The following LCORL variants were observed in gnomAD, a reference collection of about 807,000 sequenced individuals.
LCORL encodes the protein ligand-dependent nuclear receptor corepressor-like protein.
Under a neutral mutation model 141.8 loss-of-function variants are expected in LCORL, and 41 were observed. The observed-to-expected ratio is 0.29, with a 90% CI of 0.23 to 0.38. The LOEUF is 0.38. Ranked by LOEUF, LCORL falls within the 10% of genes least tolerant of loss-of-function variation. The pLI is 1.00. For synonymous variants in LCORL, 618 were observed against 694.1 expected, an observed-to-expected ratio of 0.89 and a Z score of 1.72; for missense variants, 1,759 against 2,035.0, an observed-to-expected ratio of 0.86 and a Z score of 2.61.
chr4:17,999,709 T>C (rs990114364), intron 1 of LCORL, among the ~76,000 whole-genome samples: 1 of 152,122 alleles, frequency 6.6e-6, no homozygotes, highest in African/African-American at 2.4e-5. Flanking sequence ...TCAGCGACAA[T>C]TTGGTAAGAA....
chr4:17,900,818 G>A (rs911485964), intron 5 of LCORL, among the ~76,000 whole-genome samples: 2 of 152,100 alleles, frequency 1.3e-5, no homozygotes, highest in Admixed American at 6.6e-5. Context: ...ATGTCTAAAT[G>A]GATTTTGACA....
rs115135520 is a variant in LCORL at position 17,855,204 on chromosome 4, C to T, written c.5603-9303G>A. 6.5e-3 allele frequency among the ~76,000 whole-genome samples: 993 copies of T among 152,216 alleles called. 16 individuals are homozygous for T. The highest frequency in any genetic ancestry group is 0.023 in the African/African-American group (955 of 41,534). On this transcript the variant is annotated intron_variant, in intron 7 of 7. Transcript: ENST00000635767. ...TAATGAACACTGCACTGTTATGCAA[C>T]TTAGAAATGACCCTTGGCCATGTAA...
chr4:18,012,997 T>C (rs765178488), intron 1 of LCORL, among the ~76,000 whole-genome samples: 3 of 152,212 alleles, frequency 2.0e-5, no homozygotes, highest in Non-Finnish European at 4.4e-5. Flanking sequence ...CTTGCACATA[T>C]CTTAATTACT....
chr4:17,998,445 A>T (rs960545244), intron 1 of LCORL, among the ~76,000 whole-genome samples: 1 of 152,058 alleles, frequency 6.6e-6, no homozygotes, highest in Non-Finnish European at 1.5e-5. Flanking sequence ...ACTTTTTTTT[A>T]AAACTTTTTA....
At chr4:17,962,308 T>C (rs1713977885) in intron 3 of LCORL, among the ~76,000 whole-genome samples, 1 of 151,780 alleles carries the variant, frequency 6.6e-6, no homozygotes, top group Non-Finnish European at 1.5e-5. Flanking sequence ...TTCACTATAT[T>C]GGCATGCCAG....
intron 5 of LCORL, among the ~76,000 whole-genome samples, chr4:17,905,795 T>G (rs1394364039): frequency 6.6e-6 from 1 of 151,940 alleles, no homozygotes; most frequent in Non-Finnish European, 1.5e-5. Context: ...TGCTAAAAAA[T>G]TACAGAGTGA....
chr4:17,896,008 A>G (rs1729867417), intron 5 of LCORL, among the ~76,000 whole-genome samples: 1 of 152,184 alleles, frequency 6.6e-6, no homozygotes, highest in Non-Finnish European at 1.5e-5. Flanking sequence ...AACATTTGTG[A>G]ACAAGTTTTT....
chr4:17,876,302 T>C, exon 7 of LCORL: 1 of 1,230,998 alleles, frequency 8.1e-7, no homozygotes, highest in Non-Finnish European at 1.0e-6. Context: ...CTACCACAGA[T>C]TTTGATAAGC....
chr4:17,906,326 G>C (rs1407995271), intron 5 of LCORL, among the ~76,000 whole-genome samples: 1 of 152,102 alleles, frequency 6.6e-6, no homozygotes, highest in Non-Finnish European at 1.5e-5. Flanking sequence ...ATGACCCTAA[G>C]AAAAGTCAAA....
intron 4 of LCORL, among the ~76,000 whole-genome samples, chr4:17,930,494 T>C (rs971723246): frequency 4.6e-5 from 7 of 152,234 alleles, no homozygotes; most frequent in African/African-American, 1.7e-4. Flanking sequence ...TTATGCTGGA[T>C]TTAAACCTAG....
At chr4:17,899,184 T>C (rs1303729281) in intron 5 of LCORL, among the ~76,000 whole-genome samples, 1 of 152,060 alleles carries the variant, frequency 6.6e-6, no homozygotes, top group Non-Finnish European at 1.5e-5. Context: ...TCATTTTTTA[T>C]TTTATAAGGT....
chr4:17,925,521 C>T (rs148577998), intron 4 of LCORL, among the ~76,000 whole-genome samples: 186 of 152,252 alleles, frequency 1.2e-3, no homozygotes, highest in African/African-American at 3.9e-3. Context: ...GCCAGGACCA[C>T]GTGACCAGTT....
At chr4:18,009,655 C>A (rs1723377967) in intron 1 of LCORL, among the ~76,000 whole-genome samples, 1 of 152,020 alleles carries the variant, frequency 6.6e-6, no homozygotes, top group African/African-American at 2.4e-5. Context: ...CTACTGGGGC[C>A]CTGAGAGCTC....
At position 17,933,050 on chromosome 4, in the gene LCORL, C is replaced by T. The variant is rs1197921966; in HGVS notation, c.431-23705G>A. Among the ~76,000 whole-genome samples the T allele has an allele frequency of 2.6e-5, 4 of 152,196 alleles. No homozygotes were observed. In the East Asian group the frequency reaches 7.7e-4, roughly 29 times the overall value. ...TGTTCTTGTTGAGAATTTTGATTTA[C>T]CTGATTTTTATCTTTGTGACTTAGT... On this transcript the variant is annotated intron_variant, in intron 4 of 7. Transcript: ENST00000635767.
chr4:17,948,995 G>A (rs1046845287), intron 4 of LCORL, among the ~76,000 whole-genome samples: 1 of 151,934 alleles, frequency 6.6e-6, no homozygotes, highest in Non-Finnish European at 1.5e-5. Context: ...CAAATTAAGG[G>A]GTTTAACAGA....
intron 5 of LCORL, among the ~76,000 whole-genome samples, chr4:17,889,612 T>C (rs1271821712): frequency 6.6e-6 from 1 of 151,992 alleles, no homozygotes; most frequent in Non-Finnish European, 1.5e-5. Context: ...TTCCCTTTTC[T>C]TCATAAAGCC....
chr4:17,923,824 T>C (rs1484697013), intron 4 of LCORL, among the ~76,000 whole-genome samples: 1 of 152,116 alleles, frequency 6.6e-6, no homozygotes, highest in Admixed American at 6.5e-5. Flanking sequence ...GACATACTCT[T>C]GACCAATACT....
exon 7 of LCORL, chr4:17,877,184 T>C (rs1727016174): frequency 1.6e-6 from 2 of 1,230,374 alleles, no homozygotes; most frequent in East Asian, 3.2e-5. Context: ...TTCGAAATCT[T>C]GTCTGAATAA....
chr4:17,881,762 C>T (rs755458047), intron 6 of LCORL: 2 of 971,568 alleles, frequency 2.1e-6, no homozygotes, highest in Non-Finnish European at 2.4e-6. Context: ...GCATTCAAAG[C>T]CCCCAAAGTT....
Sources: gnomAD v4.1 joint callset for allele counts (sites outside exome capture counted in the v4.1 genomes callset) on GRCh38, gnomAD v4.1.1 for gene constraint, MANE v1.5 for transcripts, NCBI Gene and HGNC (gene_info 2026-07-23, HGNC 2026-07-21) for gene names.